Variants in OTUD7A observed in about 807,000 individuals in gnomAD.
The protein encoded by OTUD7A is OTU domain-containing protein 7A.
OTUD7A carries 12 observed loss-of-function variants against 65.7 expected under a neutral mutation model. The observed-to-expected ratio is 0.18, with a 90% CI of 0.12 to 0.30. The LOEUF (loss-of-function observed/expected upper bound fraction) is 0.30, where lower values mean the gene tolerates loss of function less well. OTUD7A is among the 10% of genes least tolerant of loss of function. OTUD7A has a pLI of 1.00. For synonymous variants in OTUD7A, 641 were observed against 586.3 expected (o/e 1.09, Z -1.35); for missense variants, 1,148 against 1,304.8 (o/e 0.88, Z 1.85).
At chr15:31,636,337 T>C (rs1317009717) in intron 3 of OTUD7A, among the ~76,000 whole-genome samples, 1 of 152,206 alleles carries the variant, frequency 6.6e-6, no homozygotes, top group East Asian at 1.9e-4. Flanking sequence ...TGATCTTTGA[T>C]GTTACTGTTG....
chr15:31,548,890 C>T (rs1168908180), intron 5 of OTUD7A, among the ~76,000 whole-genome samples: 5 of 152,072 alleles, frequency 3.3e-5, no homozygotes, highest in Non-Finnish European at 7.4e-5. Flanking sequence ...AATCCCAGCA[C>T]TTTGGGAGGC....
At chr15:31,851,042 T>G (rs2141004726) in intron 1 of OTUD7A, among the ~76,000 whole-genome samples, 1 of 152,236 alleles carries the variant, frequency 6.6e-6, no homozygotes, top group East Asian at 1.9e-4. Context: ...GCTTTAAAGG[T>G]TGATTCAAGC....
chr15:31,546,547 G>A (rs1888137299), intron 5 of OTUD7A, among the ~76,000 whole-genome samples: 1 of 152,166 alleles, frequency 6.6e-6, no homozygotes. Flanking sequence ...AATACAGTGA[G>A]AAGGCAGCCG....
In OTUD7A at chr15:31,512,681, A is replaced by AAGG. The variant is rs1318465725; in HGVS notation, c.894-8866_894-8864dup. ...AGGCAAATGCAGAGGAGAATAAAGG[A>AAGG]AGGAGGAAGTAACTTGTGGAATGTT... On this transcript the variant is annotated intron_variant, in intron 8 of 12. Transcript: ENST00000307050. Among the ~76,000 whole-genome samples the AAGG allele has an allele frequency of 2.0e-5, 3 of 152,190 alleles. No individual in the cohort carries two copies. In the East Asian group the frequency reaches 5.8e-4, roughly 29 times the overall value.
At chr15:31,510,505 T>C (rs1326704382) in intron 8 of OTUD7A, among the ~76,000 whole-genome samples, 1 of 142,712 alleles carries the variant, frequency 7.0e-6, no homozygotes, top group African/African-American at 2.8e-5. Flanking sequence ...ATATGTAACA[T>C]ACATATATAT....
At chr15:31,625,735 T>C (rs1325224594) in intron 3 of OTUD7A, among the ~76,000 whole-genome samples, 2 of 152,136 alleles carry the variant, frequency 1.3e-5, no homozygotes, top group Non-Finnish European at 2.9e-5. Flanking sequence ...TTACTGATAG[T>C]AGCCAAAGCC....
intron 1 of OTUD7A, among the ~76,000 whole-genome samples, chr15:31,737,784 C>T (rs1894231944): frequency 1.3e-5 from 2 of 152,140 alleles, no homozygotes; most frequent in African/African-American, 2.4e-5. Context: ...ACACAGCATT[C>T]GAGAAAGAAA....
At chr15:31,647,968 C>CTCT (rs1891726308) in intron 3 of OTUD7A, among the ~76,000 whole-genome samples, 1 of 151,878 alleles carries the variant, frequency 6.6e-6, no homozygotes, top group African/African-American at 2.4e-5. Flanking sequence ...GAAGAGATGC[C>CTCT]TCAGGTAATG....
intron 3 of OTUD7A, among the ~76,000 whole-genome samples, chr15:31,624,459 T>C (rs1320169173): frequency 1.3e-5 from 2 of 152,102 alleles, no homozygotes; most frequent in Non-Finnish European, 2.9e-5. Context: ...AAAACGATGA[T>C]AAAGCTGGCT....
rs1343931359 is a variant in OTUD7A, at chr15:31,743,808, T to C, written c.-99-86731A>G. Among the ~76,000 whole-genome samples, 4 of 151,444 alleles carry C rather than the reference T, an allele frequency of 2.6e-5. No homozygotes were observed. In the East Asian group the frequency reaches 7.7e-4, roughly 29 times the overall value. ...ATCTAAAATTTGATTCATTGAAAGA[T>C]TCATAAGACCGGTAAACAAACACCT... On this transcript the variant is annotated intron_variant, in intron 1 of 12. Transcript: ENST00000307050.
At chr15:31,839,794 G>A (rs568722716) in intron 1 of OTUD7A, among the ~76,000 whole-genome samples, 30 of 152,184 alleles carry the variant, frequency 2.0e-4, no homozygotes, top group Middle Eastern at 6.8e-3. Context: ...AAGCCTCTTG[G>A]GACTAAGTTG....
chr15:31,497,670 G>T (rs1242722352), intron 10 of OTUD7A, among the ~76,000 whole-genome samples: 1 of 152,094 alleles, frequency 6.6e-6, no homozygotes, highest in Non-Finnish European at 1.5e-5. Context: ...GGTCTGAGAC[G>T]CTATCTTATC....
intron 5 of OTUD7A, 128 bp from the exon 6 acceptor site, chr15:31,530,936 G>C (rs2042077452): frequency 5.0e-6 from 3 of 596,544 alleles, no homozygotes; most frequent in African/African-American, 3.8e-5. Context: ...GGAACATTAT[G>C]GCTACTTCTC....
intron 1 of OTUD7A, chr15:31,765,871 A>G: frequency 7.8e-7 from 1 of 1,282,904 alleles, no homozygotes; most frequent in Non-Finnish European, 1.1e-6. Flanking sequence ...ATCAAAGGAT[A>G]TTCCTTCTGA....
In OTUD7A at chr15:31,477,769, C is replaced by G. The variant is rs1411523311; in HGVS notation, c.*5525G>C. 6.6e-6 allele frequency: 1 copy of G among 152,080 alleles called. No homozygotes were observed. The highest frequency in any genetic ancestry group is 1.5e-5 in the Non-Finnish European group (1 of 68,046). The allele number at this position is 152,080 out of a possible 1,614,324, so 9.4% of individuals were successfully genotyped here. A position where few individuals can be genotyped will look rare whatever the true frequency, so the allele number is the denominator to read the frequency against. Reference sequence around the variant, plus strand: ...CAAGACATATAAAAGTTCCTGCCCACATGGAGCTTACAGTCTATGGGAGAT... The same window carrying G: ...CAAGACATATAAAAGTTCCTGCCCAGATGGAGCTTACAGTCTATGGGAGAT... On this transcript the variant is annotated 3_prime_UTR_variant, in exon 13 of 13. Coordinates refer to ENST00000307050, the MANE Select transcript of OTUD7A (RefSeq NM_001382637.1).
chr15:31,703,824 A>G (rs1446551234), intron 1 of OTUD7A, among the ~76,000 whole-genome samples: 2 of 151,278 alleles, frequency 1.3e-5, no homozygotes, highest in African/African-American at 4.8e-5. Flanking sequence ...CAGAACCCTC[A>G]AGGAGTGAAT....
chr15:31,701,453 A>C (rs1157423746), intron 1 of OTUD7A, among the ~76,000 whole-genome samples: 2 of 151,884 alleles, frequency 1.3e-5, no homozygotes, highest in Non-Finnish European at 2.9e-5. Flanking sequence ...GACACAAATG[A>C]TCAATATCTG....
At chr15:31,762,944 C>G (rs1436756851) in intron 1 of OTUD7A, among the ~76,000 whole-genome samples, 1 of 152,036 alleles carries the variant, frequency 6.6e-6, no homozygotes, top group Non-Finnish European at 1.5e-5. Flanking sequence ...CAGACAAAAG[C>G]AGCTATAATA....
At chr15:31,492,620 T>C (rs1319686841) in intron 10 of OTUD7A, among the ~76,000 whole-genome samples, 2 of 150,234 alleles carry the variant, frequency 1.3e-5, no homozygotes, top group Non-Finnish European at 3.0e-5. Context: ...TAATTAAAGA[T>C]GTTTATTGCA....
Sources: allele counts gnomAD v4.1 joint callset (sites outside exome capture counted in the v4.1 genomes callset), GRCh38; gene constraint gnomAD v4.1.1; transcripts MANE v1.5; gene names NCBI Gene and HGNC (gene_info 2026-07-23, HGNC 2026-07-21).